PTPRM: variants seen among roughly 807,000 people sequenced by gnomAD.
PTPRM encodes protein tyrosine phosphatase receptor type M.
PTPRM carries 47 observed loss-of-function variants against 186.7 expected under a neutral mutation model. That is an observed-to-expected ratio of 0.25 (90% CI 0.20 to 0.32). The LOEUF (loss-of-function observed/expected upper bound fraction) is 0.32, where lower values mean the gene tolerates loss of function less well. Among genes scored for constraint, PTPRM ranks in the 10% least tolerant of loss-of-function variants. The pLI is 1.00. For synonymous variants in PTPRM, 668 were observed against 674.9 expected (o/e 0.99, Z 0.16); for missense variants, 1,494 against 1,865.0 (o/e 0.80, Z 3.66).
chr18:8,251,951 A>G (rs1440621513), intron 17 of PTPRM: 3 of 152,646 alleles, frequency 2.0e-5, no homozygotes, highest in African/African-American at 4.8e-5. Flanking sequence ...ATCCTCAATC[A>G]TAAAACTGCT....
chr18:7,661,652 A>C (rs2038983774), intron 1 of PTPRM, among the ~76,000 whole-genome samples: 1 of 152,238 alleles, frequency 6.6e-6, no homozygotes, highest in Non-Finnish European at 1.5e-5. Flanking sequence ...CCCAGTAAGT[A>C]ATCCTGTGGA....
chr18:8,021,357 CACAT>C (rs1401164220), intron 7 of PTPRM, among the ~76,000 whole-genome samples: 5 of 129,100 alleles, frequency 3.9e-5, no homozygotes, highest in Non-Finnish European at 6.7e-5. Flanking sequence ...CACACACACA[CACAT>C]ATAAATTTTA....
chr18:7,981,133 G>T (rs180961232), intron 7 of PTPRM, among the ~76,000 whole-genome samples: 1 of 151,998 alleles, frequency 6.6e-6, no homozygotes, highest in Admixed American at 6.5e-5. Flanking sequence ...CTCCTCTCCC[G>T]CTGGTTTTCT....
chr18:7,958,942 T>A (rs2053493726), intron 7 of PTPRM, among the ~76,000 whole-genome samples: 1 of 152,136 alleles, frequency 6.6e-6, no homozygotes, highest in Non-Finnish European at 1.5e-5. Context: ...AGAGCCAGAG[T>A]CAGCGGTTGA....
intron 19 of PTPRM, among the ~76,000 whole-genome samples, chr18:8,279,435 C>A (rs982544050): frequency 2.0e-5 from 3 of 152,140 alleles, no homozygotes; most frequent in Admixed American, 6.5e-5. Context: ...TTAATTAATT[C>A]CGCCTGTGTC....
intron 7 of PTPRM, among the ~76,000 whole-genome samples, chr18:7,996,251 A>C (rs944735944): frequency 6.6e-6 from 1 of 152,132 alleles, no homozygotes; most frequent in African/African-American, 2.4e-5. Flanking sequence ...ATGGTTCAAC[A>C]TACGCAAATC....
chr18:8,252,216 T>C (rs1381494345), intron 17 of PTPRM, among the ~76,000 whole-genome samples: 8 of 152,222 alleles, frequency 5.3e-5, no homozygotes, highest in Non-Finnish European at 1.2e-4. Flanking sequence ...ATAAGACTTA[T>C]TTAGACATTA....
chr18:8,293,115 C>T (rs1041413915), intron 19 of PTPRM, among the ~76,000 whole-genome samples: 3 of 152,116 alleles, frequency 2.0e-5, no homozygotes, highest in Admixed American at 6.5e-5. Context: ...ACTTTTGATG[C>T]TCTCATAATA....
intron 22 of PTPRM, among the ~76,000 whole-genome samples, chr18:8,341,222 C>G (rs1782956848): frequency 6.6e-6 from 1 of 152,200 alleles, no homozygotes; most frequent in African/African-American, 2.4e-5. Context: ...GGGAATCATA[C>G]AAACATCATG....
chr18:8,125,539 T>C (rs927193421), intron 13 of PTPRM, among the ~76,000 whole-genome samples: 1 of 152,182 alleles, frequency 6.6e-6, no homozygotes, highest in African/African-American at 2.4e-5. Flanking sequence ...TTTTTCATTT[T>C]TTTAAAAAAA....
intron 8 of PTPRM, among the ~76,000 whole-genome samples, chr18:8,074,295 A>G (rs566258300): frequency 6.6e-6 from 1 of 152,326 alleles, no homozygotes; most frequent in Admixed American, 6.5e-5. Context: ...ATGTTTGTCC[A>G]TTCACCATTT....
chr18:8,261,132 A>G (rs1288711834), intron 19 of PTPRM, among the ~76,000 whole-genome samples: 1 of 152,150 alleles, frequency 6.6e-6, no homozygotes, highest in Non-Finnish European at 1.5e-5. Context: ...TTCCTGCTTC[A>G]TATTTCGAGG....
chr18:7,573,883 G>A (rs1263959440), intron 1 of PTPRM, among the ~76,000 whole-genome samples: 2 of 152,050 alleles, frequency 1.3e-5, no homozygotes, highest in Non-Finnish European at 2.9e-5. Context: ...GAGCCACCAC[G>A]CCTGGCCCTG....
chr18:7,749,109 T>A (rs1383385118), intron 1 of PTPRM: 1 of 152,104 alleles, frequency 6.6e-6, no homozygotes, highest in East Asian at 1.9e-4. Context: ...GCCTTTGGAG[T>A]TACTTGCCCA....
chr18:7,874,112 G>GT (rs892047918), intron 2 of PTPRM, among the ~76,000 whole-genome samples: 53 of 112,096 alleles, frequency 4.7e-4, no homozygotes, highest in African/African-American at 2.6e-3. Flanking sequence ...AGTAGGAAAA[G>GT]TTTTAAAAAA....
At chr18:8,072,212 G>A (rs1236650812) in intron 8 of PTPRM, among the ~76,000 whole-genome samples, 1 of 152,114 alleles carries the variant, frequency 6.6e-6, no homozygotes, top group Non-Finnish European at 1.5e-5. Context: ...TTTAGTTCAT[G>A]TTTTAATAAA....
chr18:8,120,988 T>G (rs571140252), intron 13 of PTPRM, among the ~76,000 whole-genome samples: 1 of 152,330 alleles, frequency 6.6e-6, no homozygotes, highest in African/African-American at 2.4e-5. Context: ...CATTTTACTG[T>G]GTACAGCTTA....
At chr18:8,009,807 G>A (rs1202118724) in intron 7 of PTPRM, among the ~76,000 whole-genome samples, 1 of 152,074 alleles carries the variant, frequency 6.6e-6, no homozygotes, top group African/African-American at 2.4e-5. Flanking sequence ...AATATCTAGT[G>A]TACCTTCCAT....
chr18:8,276,334 G>C (rs1001844734), intron 19 of PTPRM, among the ~76,000 whole-genome samples: 2 of 152,016 alleles, frequency 1.3e-5, no homozygotes, highest in African/African-American at 2.4e-5. Flanking sequence ...TCTTTGATGT[G>C]GTCTCCACAC....
Sources: allele counts gnomAD v4.1 joint callset (sites outside exome capture counted in the v4.1 genomes callset), GRCh38; gene constraint gnomAD v4.1.1; transcripts MANE v1.5; gene names NCBI Gene and HGNC (gene_info 2026-07-23, HGNC 2026-07-21).